The following MTCL2 variants were observed in gnomAD, a reference collection of about 807,000 sequenced individuals.
The protein encoded by MTCL2 is microtubule crosslinking factor 2.
the MTCL2 span, chr20:36,815,398 G>T: frequency 6.2e-7 from 1 of 1,612,900 alleles, no homozygotes; most frequent in Non-Finnish European, 8.5e-7. This position sits in a 1 kb window ranked among gnomAD's most constrained non-coding sequence, Gnocchi z 5.3. Flanking sequence ...AGACACAGCC[G>T]GAGGCCAGCC....
At chr20:36,856,145 C>A in the MTCL2 span, among the ~76,000 whole-genome samples, 1 of 152,206 alleles carries the variant, frequency 6.6e-6, no homozygotes, top group Non-Finnish European at 1.5e-5. Flanking sequence ...AGCCTGTGGT[C>A]CACCTCCAGG....
chr20:36,817,345 C>T, the MTCL2 span: 1 of 1,430,902 alleles, frequency 7.0e-7, no homozygotes, highest in Non-Finnish European at 9.5e-7. Context: ...ATCCCCAGGC[C>T]ACTTAGAGTC....
chr20:36,859,159 C>T, the MTCL2 span, among the ~76,000 whole-genome samples: 1 of 152,322 alleles, frequency 6.6e-6, no homozygotes, highest in South Asian at 2.1e-4. Flanking sequence ...CCCATGGCCA[C>T]ACAGTAAACG....
chr20:36,839,939 G>A, the MTCL2 span, among the ~76,000 whole-genome samples: 1 of 152,124 alleles, frequency 6.6e-6, no homozygotes, highest in Non-Finnish European at 1.5e-5. This position sits in a 1 kb window ranked among gnomAD's most constrained non-coding sequence, Gnocchi z 5.1. Flanking sequence ...TCAGCTCACT[G>A]CAACCTCCTC....
chr20:36,809,338 A>G, the MTCL2 span, among the ~76,000 whole-genome samples: 1 of 152,234 alleles, frequency 6.6e-6, no homozygotes, highest in South Asian at 2.1e-4. Flanking sequence ...GGCCCACCAT[A>G]CAGTAAGGGC....
chr20:36,807,891 TTTG>T, the MTCL2 span, among the ~76,000 whole-genome samples: 1 of 144,068 alleles, frequency 6.9e-6, no homozygotes, highest in Non-Finnish European at 1.5e-5. Context: ...TTTTTTTTTT[TTTG>T]AGAAGGAGTC....
At chr20:36,858,973 T>C in the MTCL2 span, among the ~76,000 whole-genome samples, 1 of 152,160 alleles carries the variant, frequency 6.6e-6, no homozygotes. Context: ...GTATTTTTAG[T>C]AGAGATGGGG....
chr20:36,828,971 G>A, the MTCL2 span: 8 of 1,401,102 alleles, frequency 5.7e-6, no homozygotes, highest in Non-Finnish European at 7.5e-6. Context: ...CACAAGCGGG[G>A]GCTCACAGAG....
At chr20:36,814,354 T>C in the MTCL2 span, among the ~76,000 whole-genome samples, 1 of 152,184 alleles carries the variant, frequency 6.6e-6, no homozygotes, top group Non-Finnish European at 1.5e-5. Flanking sequence ...GAAAAACAAA[T>C]ATATGATAGA....
chr20:36,823,585 T>C, the MTCL2 span, among the ~76,000 whole-genome samples: 3 of 152,142 alleles, frequency 2.0e-5, no homozygotes, highest in Admixed American at 6.5e-5. Context: ...GAAGGGCAGA[T>C]AGCTTGAGCC....
At chr20:36,794,732 G>T in the MTCL2 span, 3 of 1,131,820 alleles carry the variant, frequency 2.7e-6, no homozygotes, top group African/African-American at 1.5e-5. This position sits in a 1 kb window ranked among gnomAD's most constrained non-coding sequence, Gnocchi z 5.4. Flanking sequence ...TTGTAGAGAT[G>T]TTGTTGGTGC....
chr20:36,831,060 A>G, the MTCL2 span, among the ~76,000 whole-genome samples: 1 of 152,204 alleles, frequency 6.6e-6, no homozygotes, highest in South Asian at 2.1e-4. Flanking sequence ...ACAGCACCCC[A>G]TTCCTGGTAG....
At chr20:36,785,845 G>A in the MTCL2 span, 7 of 985,526 alleles carry the variant, frequency 7.1e-6, no homozygotes, top group African/African-American at 1.7e-5. Flanking sequence ...GCTATGGGCA[G>A]GGAGATCCAG....
the MTCL2 span, chr20:36,829,082 A>G: frequency 6.4e-7 from 1 of 1,556,626 alleles, no homozygotes; most frequent in South Asian, 1.2e-5. Context: ...CTCCGTCTGC[A>G]GCACCTGCTT....
the MTCL2 span, among the ~76,000 whole-genome samples, chr20:36,848,924 A>G: frequency 6.6e-6 from 1 of 152,158 alleles, no homozygotes; most frequent in African/African-American, 2.4e-5. Flanking sequence ...ATGTCAAAAT[A>G]TTATTTACAC....
At chr20:36,801,103 T>C in the MTCL2 span, among the ~76,000 whole-genome samples, 1 of 152,124 alleles carries the variant, frequency 6.6e-6, no homozygotes, top group East Asian at 1.9e-4. Flanking sequence ...TGCAGTGGCA[T>C]GATCATGGCT....
chr20:36,808,793 C>G, the MTCL2 span: 16 of 1,499,404 alleles, frequency 1.1e-5, no homozygotes, highest in Admixed American at 1.0e-4. Context: ...TCCTCTCCCC[C>G]ACCCCTTTCT....
the MTCL2 span, chr20:36,794,542 G>A: frequency 1.0e-4 from 162 of 1,614,070 alleles, 1 homozygote; most frequent in East Asian, 3.5e-3. The surrounding 1 kb of genome is among the most constrained non-coding windows in gnomAD (Gnocchi z 5.4). Context: ...CGCCAGCAAG[G>A]TAAGGGGAAC....
chr20:36,861,024 A>C, the MTCL2 span, among the ~76,000 whole-genome samples: 1 of 152,178 alleles, frequency 6.6e-6, no homozygotes, highest in Non-Finnish European at 1.5e-5. Context: ...ACAGGGGCCC[A>C]TGGAGATGGG....
Sources: gnomAD v4.1 joint callset for allele counts (sites outside exome capture counted in the v4.1 genomes callset) on GRCh38, gnomAD v4.1.1 for gene constraint, Gnocchi (gnomAD v3.1) non-coding constraint, MANE v1.5 for transcripts, NCBI Gene and HGNC (gene_info 2026-07-23, HGNC 2026-07-21) for gene names.